Variants in PCDHA1 observed in about 807,000 individuals in gnomAD.
PCDHA1 encodes the protein protocadherin alpha 1, also known as protocadherin alpha-1.
PCDHA1 carries 42 observed loss-of-function variants against 61.3 expected under a neutral mutation model. The ratio of observed to expected loss-of-function variants is 0.69; its 90% confidence interval spans 0.54 to 0.89. The LOEUF (loss-of-function observed/expected upper bound fraction) is 0.89, where lower values mean the gene tolerates loss of function less well. Among genes scored for constraint, PCDHA1 ranks in the 40% least tolerant of loss-of-function variants. The pLI, the probability that PCDHA1 is intolerant of heterozygous loss-of-function variation, is 0.00. For missense variants in PCDHA1, 1,256 were observed against 1,235.3 expected (o/e 1.02, Z -0.25); for synonymous variants, 610 against 553.8 (o/e 1.10, Z -1.43).
At chr5:140,910,072 T>A (rs546252378) in intron 1 of PCDHA1, among the ~76,000 whole-genome samples, 359 of 152,300 alleles carry the variant, frequency 2.4e-3, no homozygotes, top group African/African-American at 8.0e-3. Flanking sequence ...ACAGCGTAAA[T>A]TGTTGTCAAG....
rs1012417649 is a variant in PCDHA1 at position 141,010,189 on chromosome 5, T to C, written c.*252T>C. On this transcript the variant is annotated 3_prime_UTR_variant, in exon 4 of 4. Coordinates refer to ENST00000504120, the MANE Select transcript of PCDHA1 (RefSeq NM_018900.4). ...AGAACCTAAAAAGCAGACCCAAGTT[T>C]CCTTTCTCCTCCGCCGCAAAGGAGA... 6 of 1,552,498 alleles carry C rather than the reference T, an allele frequency of 3.9e-6. No individual in the cohort carries two copies. Among genetic ancestry groups the C allele is most frequent in the Middle Eastern group, 1.7e-4 (1 of 5,994 alleles).
chr5:140,807,118 G>A, intron 1 of PCDHA1: 1 of 1,530,056 alleles, frequency 6.5e-7, no homozygotes. Context: ...GCACTTGACT[G>A]ACCGATTAAA....
intron 1 of PCDHA1, chr5:140,810,888 A>G (rs1764751688): frequency 6.6e-6 from 1 of 152,200 alleles, no homozygotes; most frequent in Non-Finnish European, 1.5e-5. Context: ...CCTATTTCAC[A>G]AAGATAATTT....
intron 1 of PCDHA1, chr5:140,850,383 G>A (rs2150481860): frequency 2.5e-6 from 4 of 1,597,842 alleles, no homozygotes; most frequent in South Asian, 1.1e-5. Context: ...GTACACGGGC[G>A]AGATCAGCAC....
rs782400108 is a variant in PCDHA1 at position 140,796,314 on chromosome 5, C to A, written c.2394+7630C>A. 2.5e-6 allele frequency: 4 copies of A among 1,614,132 alleles called. No individual in the cohort carries two copies. The East Asian group carries it at 8.9e-5, about 36-fold the overall frequency. On this transcript the variant is annotated intron_variant, in intron 1 of 3. Transcript: ENST00000504120. Reference sequence around the variant, plus strand: ...CCATCGAGGTGGCCGACGTGAACGACAACGCGCCGGCGTTCGCACAGCCTG... The same window carrying A: ...CCATCGAGGTGGCCGACGTGAACGAAAACGCGCCGGCGTTCGCACAGCCTG...
intron 1 of PCDHA1, chr5:140,855,784 A>T: frequency 2.4e-6 from 1 of 425,516 alleles, no homozygotes; most frequent in Non-Finnish European, 4.2e-6. Flanking sequence ...TACGTAAAAA[A>T]AGAATTAACA....
intron 1 of PCDHA1, chr5:140,841,800 C>T (rs2150322954): frequency 6.2e-7 from 1 of 1,613,890 alleles, no homozygotes. Context: ...GCGTCCGATG[C>T]AGATGTTGGA....
rs1554205708 is a variant in PCDHA1 at position 140,928,289 on chromosome 5, G to A, written c.2395-50660G>A. 3.1e-6 allele frequency: 5 copies of A among 1,614,170 alleles called. No individual in the cohort carries two copies. In the East Asian group the frequency reaches 6.7e-5, roughly 22 times the overall value. ...AATGGCCCTGGGGCCTCTCTAGGCC[G>A]AGTGTTTGCCCAGGACCCCGACCTG... is the stretch of plus-strand genomic sequence containing the variant. On this transcript the variant is annotated intron_variant, in intron 1 of 3. Coordinates refer to ENST00000504120, the MANE Select transcript of PCDHA1 (RefSeq NM_018900.4).
In PCDHA1 at chr5:140,796,623, G is replaced by A. The variant is rs782120818; in HGVS notation, c.2394+7939G>A. Reference sequence around the variant, plus strand: ...TGGGCAGCAACGTGACGCTGCAGGTGTTCGTGCTGGACGAGAACGACAACG... The same window carrying A: ...TGGGCAGCAACGTGACGCTGCAGGTATTCGTGCTGGACGAGAACGACAACG... On this transcript the variant is annotated intron_variant, in intron 1 of 3. Transcript: ENST00000504120. The A allele has an allele frequency of 3.1e-6, 5 of 1,612,024 alleles. No homozygotes were observed. The South Asian group carries it at 5.5e-5, about 18-fold the overall frequency.
At chr5:140,870,587 A>T (rs1185262788) in intron 1 of PCDHA1, 2 of 1,613,660 alleles carry the variant, frequency 1.2e-6, no homozygotes, top group East Asian at 2.2e-5. Flanking sequence ...TCGCTGGTGG[A>T]GCGGCGGTTG....
intron 1 of PCDHA1, among the ~76,000 whole-genome samples, chr5:140,903,921 G>C (rs1282440912): frequency 6.6e-6 from 1 of 152,198 alleles, no homozygotes; most frequent in African/African-American, 2.4e-5. Flanking sequence ...CTTCCTTGCT[G>C]CATTGGATAA....
chr5:140,953,099 G>A lies in PCDHA1; in HGVS notation c.2395-25850G>A, dbSNP rs1554220803. On this transcript the variant is annotated intron_variant, in intron 1 of 3. Transcript: ENST00000504120. ...CATTGGGGATTACAATTTGACATGA[G>A]ATTTGGGCAGGGACACAGATCTAAA... Among the ~76,000 whole-genome samples, 7 of 152,256 alleles carry A rather than the reference G, an allele frequency of 4.6e-5. 1 individual carries two copies. Among genetic ancestry groups the A allele is most frequent in the South Asian group, 2.1e-4 (1 of 4,828 alleles).
chr5:140,829,248 A>C (rs2150164667), intron 1 of PCDHA1: 23 of 1,614,078 alleles, frequency 1.4e-5, no homozygotes, highest in Admixed American at 1.2e-4. Context: ...GGGCAGGTGA[A>C]CTGCTCGCTG....
chr5:140,895,428 C>A (rs2065003978), intron 1 of PCDHA1, among the ~76,000 whole-genome samples: 1 of 152,154 alleles, frequency 6.6e-6, no homozygotes, highest in Non-Finnish European at 1.5e-5. Flanking sequence ...TTTGCTTCCT[C>A]CTGAGACTCT....
chr5:140,803,454 C>T (rs1554122835), intron 1 of PCDHA1: 4 of 1,614,114 alleles, frequency 2.5e-6, no homozygotes, highest in African/African-American at 1.3e-5. Flanking sequence ...ATACTCGCAG[C>T]AGAGGCAGCA....
At chr5:140,856,434 C>A in intron 1 of PCDHA1, 2 of 1,598,320 alleles carry the variant, frequency 1.3e-6, no homozygotes, top group Non-Finnish European at 1.7e-6. Flanking sequence ...AACGACAACC[C>A]GCCCAGGTTC....
At chr5:140,875,324 C>G in intron 1 of PCDHA1, 2 of 1,426,280 alleles carry the variant, frequency 1.4e-6, no homozygotes, top group Non-Finnish European at 1.8e-6. Flanking sequence ...CAATCATTCA[C>G]GGAATAGGAT....
At position 140,876,596 on chromosome 5, in the gene PCDHA1, C is replaced by G. The variant is rs1361945795; in HGVS notation, c.2394+87912C>G. ...ACCGTCATTGCCCTGATTAGCGTGT[C>G]GGATCGTGACTCTGGAGCCAATGGA... On this transcript the variant is annotated intron_variant, in intron 1 of 3. Transcript: ENST00000504120. The G allele has an allele frequency of 3.1e-6, 5 of 1,614,040 alleles. No individual in the cohort carries two copies. In the East Asian group the frequency reaches 8.9e-5, roughly 29 times the overall value.
rs142640080 is a variant in PCDHA1 at position 140,917,521 on chromosome 5, C to T, written c.2395-61428C>T. Among the ~76,000 whole-genome samples the T allele has an allele frequency of 5.8e-4, 88 of 152,256 alleles. 1 individual carries two copies. In the East Asian group the frequency reaches 0.015, roughly 26 times the overall value. On this transcript the variant is annotated intron_variant, in intron 1 of 3. Transcript: ENST00000504120. ...ATGATATTTTCTAGGTTTTATTCTA[C>T]GGTTTGTATAGTTTTAGGTTTTACA...
Sources: allele counts gnomAD v4.1 joint callset (sites outside exome capture counted in the v4.1 genomes callset), GRCh38; gene constraint gnomAD v4.1.1; transcripts MANE v1.5; gene names NCBI Gene and HGNC (gene_info 2026-07-23, HGNC 2026-07-21).